The following PCDHGA6 variants were observed in gnomAD, a reference collection of about 807,000 sequenced individuals.
The protein encoded by PCDHGA6 is protocadherin gamma subfamily A, 6.
Under a neutral mutation model 60.6 loss-of-function variants are expected in PCDHGA6, and 41 were observed. The observed-to-expected ratio is 0.68, with a 90% CI of 0.53 to 0.88. The LOEUF is 0.88. PCDHGA6 is among the 40% of genes least tolerant of loss of function. PCDHGA6 has a pLI of 0.00. For missense variants in PCDHGA6, 1,312 were observed against 1,203.0 expected (o/e 1.09, Z -1.34); for synonymous variants, 594 against 524.4 (o/e 1.13, Z -1.81).
chr5:141,450,734 G>A (rs1365470415), intron 1 of PCDHGA6, among the ~76,000 whole-genome samples: 6 of 151,868 alleles, frequency 4.0e-5, no homozygotes, highest in South Asian at 2.1e-4. Context: ...TGATCCGCCC[G>A]CCTTGGCCTC....
At chr5:141,409,973 G>A in intron 1 of PCDHGA6, 1 of 1,613,380 alleles carries the variant, frequency 6.2e-7, no homozygotes, top group Non-Finnish European at 8.5e-7. Context: ...AGTGACTAAG[G>A]TGGTAGCGGT....
chr5:141,427,717 A>G (rs1038823851), intron 1 of PCDHGA6: 20 of 1,076,234 alleles, frequency 1.9e-5, no homozygotes, highest in African/African-American at 1.1e-4. Context: ...TCTGACCTGG[A>G]CCTAGGGCTG....
intron 1 of PCDHGA6, among the ~76,000 whole-genome samples, chr5:141,420,650 A>G (rs2096512866): frequency 6.6e-6 from 1 of 152,244 alleles, no homozygotes; most frequent in Non-Finnish European, 1.5e-5. Context: ...TGTAAGAATT[A>G]TAGTTAGGCA....
chr5:141,486,644 T>G lies in PCDHGA6; in HGVS notation c.2425-8163T>G, dbSNP rs765487821. ...AGACTCTGGCTTGAATGCGCTTATC[T>G]CCTACTCACTCCTGGAGCCCAGGAA... On this transcript the variant is annotated intron_variant, in intron 1 of 3. Transcript: ENST00000517434. This position sits in a 1 kb window ranked among gnomAD's most constrained non-coding sequence, Gnocchi z 5.0. 9.3e-6 allele frequency: 15 copies of G among 1,613,722 alleles called. 2 individuals carry two copies. The Middle Eastern group carries it at 6.6e-4, about 71-fold the overall frequency.
At position 141,409,103 on chromosome 5, in the gene PCDHGA6, A is replaced by G. The variant is rs750657192; in HGVS notation, c.2424+32596A>G. The G allele has an allele frequency of 6.8e-6, 11 of 1,613,926 alleles. No individual in the cohort carries two copies. Among genetic ancestry groups the G allele is most frequent in the Non-Finnish European group, 9.3e-6 (11 of 1,179,900 alleles). On this transcript the variant is annotated intron_variant, in intron 1 of 3. Coordinates refer to ENST00000517434, the MANE Select transcript of PCDHGA6 (RefSeq NM_018919.3). ...CTCATTGGATGAGAAAACAGGTATG[A>G]TTAAGAATAACCAGTCATTTGATTT...
intron 1 of PCDHGA6, among the ~76,000 whole-genome samples, chr5:141,492,559 C>G (rs533830391): frequency 2.0e-5 from 3 of 152,174 alleles, no homozygotes; most frequent in Non-Finnish European, 4.4e-5. Context: ...GCCTGGGGGG[C>G]GGCCTGAGCG....
chr5:141,399,972 G>A, intron 1 of PCDHGA6: 1 of 1,612,256 alleles, frequency 6.2e-7, no homozygotes. Flanking sequence ...TCTTCAGCCT[G>A]GGGCTGCGCA....
chr5:141,399,576 C>G, intron 1 of PCDHGA6: 1 of 1,614,028 alleles, frequency 6.2e-7, no homozygotes, highest in South Asian at 1.1e-5. Flanking sequence ...ACGGCCAAGT[C>G]TCCTACTCTA....
At chr5:141,437,999 C>T (rs1230507077) in intron 1 of PCDHGA6, among the ~76,000 whole-genome samples, 1 of 152,062 alleles carries the variant, frequency 6.6e-6, no homozygotes, top group African/African-American at 2.4e-5. Flanking sequence ...CCTCAGCCTC[C>T]CAAATAGCTG....
chr5:141,420,454 TATTCAAAGAC>T, intron 1 of PCDHGA6: 1 of 968,104 alleles, frequency 1.0e-6, no homozygotes, highest in Admixed American at 3.7e-5. Context: ...GTCTTCCTAC[TATTCAAAGAC>T]ATTTTAAAGC....
rs1187072972 is a variant in PCDHGA6 at position 141,487,553 on chromosome 5, C to T, written c.2425-7254C>T. 4 of 1,614,050 alleles carry T rather than the reference C, an allele frequency of 2.5e-6. No individual in the cohort carries two copies. The African/African-American group carries it at 4.0e-5, about 16-fold the overall frequency. On this transcript the variant is annotated intron_variant, in intron 1 of 3. Coordinates refer to ENST00000517434, the MANE Select transcript of PCDHGA6 (RefSeq NM_018919.3). The surrounding 1 kb of genome is among the most constrained non-coding windows in gnomAD (Gnocchi z 5.0). ...CATGATGGTGAAGTCACCCAGTGCA[C>T]CTATGGCAGGGGAGCCTGTTCGCCC...
intron 1 of PCDHGA6, among the ~76,000 whole-genome samples, chr5:141,492,490 G>C (rs2099741140): frequency 6.6e-6 from 1 of 152,208 alleles, no homozygotes; most frequent in Non-Finnish European, 1.5e-5. Context: ...CCAGGACCAG[G>C]CGAGGACTCC....
At chr5:141,428,154 T>G (rs760002801) in intron 1 of PCDHGA6, 29 of 1,578,806 alleles carry the variant, frequency 1.8e-5, no homozygotes, top group African/African-American at 1.3e-5. Flanking sequence ...CACGGGAACC[T>G]GCTGGTTGCT....
rs113341686 is a variant in PCDHGA6, at chr5:141,488,763, G to A, written c.2425-6044G>A. Among the ~76,000 whole-genome samples the A allele has an allele frequency of 6.6e-4, 101 of 152,264 alleles. 1 individual carries two copies. The highest frequency in any genetic ancestry group is 1.7e-3 in the African/African-American group (69 of 41,544). ...ATGCAGGAAGTTGCTGGGACAGAACGCTGAGGAGTTTTGTATCACTTTGTC... is the reference window on the plus strand; with the variant it reads ...ATGCAGGAAGTTGCTGGGACAGAACACTGAGGAGTTTTGTATCACTTTGTC... On this transcript the variant is annotated intron_variant, in intron 1 of 3. Coordinates refer to ENST00000517434, the MANE Select transcript of PCDHGA6 (RefSeq NM_018919.3).
intron 1 of PCDHGA6, among the ~76,000 whole-genome samples, chr5:141,424,889 G>A (rs1173725674): frequency 6.6e-6 from 1 of 152,090 alleles, no homozygotes; most frequent in Non-Finnish European, 1.5e-5. Flanking sequence ...ACTTATCTAG[G>A]GTTTTTGATC....
chr5:141,511,241 C>A lies in PCDHGA6; in HGVS notation c.*68C>A. On this transcript the variant is annotated 3_prime_UTR_variant, in exon 4 of 4. Coordinates refer to ENST00000517434, the MANE Select transcript of PCDHGA6 (RefSeq NM_018919.3). ...CCAGCCCAGCTTCTCCTTACCTGCA[C>A]CCAGGCCTCAGAGTTTCAGGGCTAA... 1 of 1,585,212 alleles carries A rather than the reference C, an allele frequency of 6.3e-7. No individual in the cohort carries two copies. The highest frequency in any genetic ancestry group is 8.6e-7 in the Non-Finnish European group (1 of 1,165,762).
In PCDHGA6 at chr5:141,399,103, C is replaced by G. The variant is rs376000100; in HGVS notation, c.2424+22596C>G. The G allele has an allele frequency of 1.6e-5, 26 of 1,613,722 alleles. No homozygotes were observed. The South Asian group carries it at 2.9e-4, about 18-fold the overall frequency. On this transcript the variant is annotated intron_variant, in intron 1 of 3. Transcript: ENST00000517434. ...GAGGGATGGTGGTGGACTGGTTGCA[C>G]AATGTACAGTTGAAATTAATATTCA... is the stretch of plus-strand genomic sequence containing the variant.
intron 2 of PCDHGA6, among the ~76,000 whole-genome samples, chr5:141,499,010 AAGG>A (rs2099788390): frequency 6.6e-6 from 1 of 151,098 alleles, no homozygotes; most frequent in Non-Finnish European, 1.5e-5. Context: ...GGAAGGAAGG[AAGG>A]AAGGAAGGAA....
At chr5:141,410,006 G>A (rs1201569227) in intron 1 of PCDHGA6, 8 of 1,613,156 alleles carry the variant, frequency 5.0e-6, no homozygotes, top group Non-Finnish European at 5.9e-6. Context: ...GGGACACAAC[G>A]CCTGGCTGTC....
Sources: gnomAD v4.1 joint callset for allele counts (sites outside exome capture counted in the v4.1 genomes callset) on GRCh38, gnomAD v4.1.1 for gene constraint, Gnocchi (gnomAD v3.1) non-coding constraint, MANE v1.5 for transcripts, NCBI Gene and HGNC (gene_info 2026-07-23, HGNC 2026-07-21) for gene names.